LIG1: variants seen among roughly 807,000 people sequenced by gnomAD.
LIG1 encodes DNA ligase 1.
In LIG1, 70 loss-of-function variants were observed where a neutral mutation model predicts 115.7. The observed-to-expected ratio is 0.60, with a 90% CI of 0.50 to 0.74. The LOEUF is 0.74. Among genes scored for constraint, LIG1 ranks in the 30% least tolerant of loss-of-function variants. The pLI is 0.00. For synonymous variants in LIG1, 487 were observed against 495.3 expected (o/e 0.98, Z 0.22); for missense variants, 1,115 against 1,225.6 (o/e 0.91, Z 1.35).
chr19:48,149,954 G>A, intron 8 of LIG1, 113 bp from the exon 9 acceptor site: 1 of 1,554,780 alleles, frequency 6.4e-7, no homozygotes, highest in Non-Finnish European at 8.8e-7. Context: ...AGACAGGCTG[G>A]TAGAGACAAG....
intron 11 of LIG1, among the ~76,000 whole-genome samples, chr19:48,143,073 A>G (rs2122719649): frequency 6.6e-6 from 1 of 152,274 alleles, no homozygotes; most frequent in South Asian, 2.1e-4. Context: ...GCTGCTGAGA[A>G]GGACCAGGGT....
chr19:48,128,460 C>T (rs1200439186), intron 19 of LIG1, among the ~76,000 whole-genome samples: 2 of 152,180 alleles, frequency 1.3e-5, no homozygotes, highest in South Asian at 2.1e-4. Flanking sequence ...TAAAAACCAT[C>T]CCCATGATTC....
At chr19:48,165,238 G>A (rs148675172) in intron 2 of LIG1, among the ~76,000 whole-genome samples, 1 of 151,946 alleles carries the variant, frequency 6.6e-6, no homozygotes, top group East Asian at 1.9e-4. Context: ...CAGCCTGGGT[G>A]ACAGAGCAAG....
intron 17 of LIG1, 113 bp downstream of exon 17, chr19:48,133,868 G>A: frequency 1.2e-6 from 1 of 833,064 alleles, no homozygotes; most frequent in South Asian, 1.4e-5. Flanking sequence ...TGGTTTTGGT[G>A]GGGGAGAGGA....
At chr19:48,131,023 T>C (rs1054840471) in intron 19 of LIG1, 53 bp downstream of exon 19, 2 of 1,464,634 alleles carry the variant, frequency 1.4e-6, no homozygotes, top group Non-Finnish European at 1.9e-6. Flanking sequence ...CTCAGGCCTT[T>C]GCACCCCTGA....
chr19:48,156,994 AG>A lies in LIG1; in HGVS notation c.370+19del. ...AAGAAAGGCAGGCGACTGAAGGGGCAGGGGCCCGTGTGTTCTCACCTGTGCG... is the reference window on the plus strand; with the variant it reads ...AAGAAAGGCAGGCGACTGAAGGGGCAGGGCCCGTGTGTTCTCACCTGTGCG... On this transcript the variant is annotated intron_variant, in intron 5 of 27. Coordinates refer to ENST00000263274, the MANE Select transcript of LIG1 (RefSeq NM_000234.3). 2.6e-6 allele frequency: 1 copy of A among 384,178 alleles called. No individual in the cohort carries two copies. The highest frequency in any genetic ancestry group is 3.7e-6 in the Non-Finnish European group (1 of 272,592). 23.8% of individuals were successfully genotyped at this position (384,178 alleles called of 1,614,324 possible).
chr19:48,169,697 C>A, intron 1 of LIG1: 1 of 158,578 alleles, frequency 6.3e-6, no homozygotes, highest in Non-Finnish European at 1.4e-5. Context: ...TCTAGCCCCG[C>A]CCCCTCAGCA....
intron 1 of LIG1, among the ~76,000 whole-genome samples, chr19:48,169,043 C>T (rs772203768): frequency 9.9e-5 from 15 of 152,030 alleles, no homozygotes; most frequent in Non-Finnish European, 2.1e-4. Flanking sequence ...TAAAAAGAAA[C>T]GAAGCACTGA....
rs1384607061 is a variant in LIG1 at position 48,157,111 on chromosome 19, G to C, written c.273C>G (p.Ser91=). The part of the protein sequence containing the change: ...QKPALDCSQV[S]PPRPATSPEN... ...CAGGAGATGTGGCAGGACGGGGCGG[G>C]GAGACCTGTGAGCAGTCCAGGGCAG... The change falls in exon 5 of 28, where the codon TCC becomes TCG. Residue 91 remains serine, a synonymous_variant. Coordinates refer to ENST00000263274, the MANE Select transcript of LIG1 (RefSeq NM_000234.3). The C allele has an allele frequency of 6.2e-7, 1 of 1,613,490 alleles. No individual in the cohort carries two copies. The highest frequency in any genetic ancestry group is 1.3e-5 in the African/African-American group (1 of 74,982).
intron 18 of LIG1, 110 bp downstream of exon 18, chr19:48,132,872 C>T (rs779970780): frequency 6.5e-6 from 5 of 770,924 alleles, no homozygotes; most frequent in Non-Finnish European, 1.2e-5. Context: ...TGAGCGAGGG[C>T]TCGGCAGTCT....
At chr19:48,140,776 C>T (rs1191978835) in intron 11 of LIG1, among the ~76,000 whole-genome samples, 2 of 152,082 alleles carry the variant, frequency 1.3e-5, no homozygotes, top group African/African-American at 4.8e-5. Context: ...AACCTCCCTT[C>T]GACCCCCTGT....
At chr19:48,167,291 T>C (rs2036534657) in intron 1 of LIG1, among the ~76,000 whole-genome samples, 1 of 152,108 alleles carries the variant, frequency 6.6e-6, no homozygotes, top group South Asian at 2.1e-4. Context: ...AAAAAAGGAC[T>C]AGCAGGACCT....
chr19:48,161,032 G>C (rs2036144316), intron 4 of LIG1: 2 of 365,794 alleles, frequency 5.5e-6, no homozygotes, highest in African/African-American at 4.2e-5. Context: ...CCATTGTGCT[G>C]GGCCTTGAGC....
At chr19:48,146,799 C>T (rs578227854) in intron 9 of LIG1, among the ~76,000 whole-genome samples, 1 of 152,338 alleles carries the variant, frequency 6.6e-6, no homozygotes, top group Admixed American at 6.5e-5. Flanking sequence ...GACACACACT[C>T]AGGAGGCACG....
intron 9 of LIG1, among the ~76,000 whole-genome samples, chr19:48,148,696 T>C (rs1212733091): frequency 6.6e-6 from 1 of 152,024 alleles, no homozygotes; most frequent in East Asian, 1.9e-4. Flanking sequence ...CTTTATAGGA[T>C]ATTTATCCAC....
chr19:48,150,269 CTT>C, intron 7 of LIG1, 59 bp from the exon 8 acceptor site: 2 of 1,599,178 alleles, frequency 1.3e-6, no homozygotes, highest in South Asian at 1.1e-5. Flanking sequence ...CTTTTTTTTT[CTT>C]TTTTTTTACC....
intron 23 of LIG1, among the ~76,000 whole-genome samples, chr19:48,121,764 G>A (rs148644413): frequency 4.6e-5 from 7 of 152,302 alleles, no homozygotes; most frequent in African/African-American, 1.4e-4. Flanking sequence ...TCGTGCCATT[G>A]CACTCCAGCC....
chr19:48,135,153 C>CT (rs990918212), intron 16 of LIG1, among the ~76,000 whole-genome samples: 5 of 152,228 alleles, frequency 3.3e-5, no homozygotes, highest in South Asian at 2.1e-4. Flanking sequence ...CAGCGTCTTT[C>CT]TTTTTTTTAA....
chr19:48,134,053 G>T lies in LIG1; in HGVS notation c.1537C>A (p.Leu513Met). The change falls in exon 17 of 28, where the codon CTG becomes ATG. Residue 513 changes from leucine to methionine, a missense_variant. Transcript: ENST00000263274. ...AGCAGCACGGGGATAATTCGGTCCA[G>T]GTCGGGAACCTCGCTGGGGTGGCGG... ...LKQTFCEVPD[L>M]DRIIPVLLEH... is the part of the protein sequence containing the mutation. 6.4e-7 allele frequency: 1 copy of T among 1,556,598 alleles called. No homozygotes were observed. The highest frequency in any genetic ancestry group is 1.9e-5 in the Admixed American group (1 of 51,710).
Sources: gnomAD v4.1 joint callset for allele counts (sites outside exome capture counted in the v4.1 genomes callset) on GRCh38, gnomAD v4.1.1 for gene constraint, MANE v1.5 for transcripts, NCBI Gene and HGNC (gene_info 2026-07-23, HGNC 2026-07-21) for gene names.